EFCAB7: variants seen among roughly 807,000 people sequenced by gnomAD.
EFCAB7 encodes EF-hand calcium binding domain 7, also known as EF-hand calcium-binding domain-containing protein 7.
In EFCAB7, 66 loss-of-function variants were observed where a neutral mutation model predicts 77.1. The ratio of observed to expected loss-of-function variants is 0.86; its 90% CI spans 0.70 to 1.05. The LOEUF is 1.05. Ranked by LOEUF, EFCAB7 falls within the 50% of genes least tolerant of loss-of-function variation. EFCAB7 has a pLI of 0.00. For missense variants in EFCAB7, 638 were observed against 730.5 expected (o/e 0.87, Z 1.46); for synonymous variants, 225 against 243.3 (o/e 0.92, Z 0.70).
At chr1:63,575,734 C>A (rs889054677), downstream of EFCAB7, among the ~76,000 whole-genome samples, 2 of 151,696 alleles carry the variant, frequency 1.3e-5, no homozygotes, top group Non-Finnish European at 2.9e-5. Context: ...CAGGCATACG[C>A]TACCACACCC....
chr1:63,580,949 T>C, the EFCAB7 span, among the ~76,000 whole-genome samples: 71 of 144,518 alleles, frequency 4.9e-4, no homozygotes, highest in Non-Finnish European at 7.8e-4. Context: ...CCTAGGAAGG[T>C]TTTTTTTTAT....
intron 7 of EFCAB7, chr1:63,550,604 G>A (rs1362846452): frequency 6.7e-6 from 1 of 148,280 alleles, no homozygotes; most frequent in Non-Finnish European, 1.5e-5. Context: ...GTTAATGTTC[G>A]ACAAGCAACA....
the EFCAB7 span, among the ~76,000 whole-genome samples, chr1:63,579,589 T>C: frequency 6.6e-6 from 1 of 152,212 alleles, no homozygotes; most frequent in African/African-American, 2.4e-5. Flanking sequence ...GATCATATGG[T>C]AAATATATGT....
chr1:63,529,757 T>A (rs751903048), intron 2 of EFCAB7: 1 of 152,050 alleles, frequency 6.6e-6, no homozygotes, highest in Non-Finnish European at 1.5e-5. Context: ...TTTTTTGAGA[T>A]GCAGTCTTCC....
At chr1:63,568,729 T>G in intron 12 of EFCAB7, 1 of 421,188 alleles carries the variant, frequency 2.4e-6, no homozygotes, top group Non-Finnish European at 4.2e-6. Flanking sequence ...ATTTTTTCTC[T>G]TAAAATATTA....
intron 6 of EFCAB7, chr1:63,536,714 G>A (rs1045021994): frequency 4.6e-5 from 7 of 151,972 alleles, no homozygotes; most frequent in Admixed American, 1.3e-4. Flanking sequence ...CTTCCTGGGT[G>A]GTTTTCTGGA....
intron 12 of EFCAB7, chr1:63,569,725 T>C (rs772883786): frequency 6.6e-6 from 1 of 152,216 alleles, no homozygotes; most frequent in Non-Finnish European, 1.5e-5. Context: ...ATCCAAATTA[T>C]ATATGTTATC....
At chr1:63,547,331 C>T (rs924117960) in intron 7 of EFCAB7, 2 of 152,098 alleles carry the variant, frequency 1.3e-5, no homozygotes, top group East Asian at 3.9e-4. Context: ...TAAAAAAAGA[C>T]AAAAATCCCT....
At chr1:63,529,261 T>C (rs1373094973) in intron 2 of EFCAB7, 1 of 152,236 alleles carries the variant, frequency 6.6e-6, no homozygotes, top group Non-Finnish European at 1.5e-5. Context: ...ATATGGAAGA[T>C]GGCGGTTACC....
At chr1:63,571,664 C>A (rs1570448404) in intron 13 of EFCAB7, among the ~76,000 whole-genome samples, 1 of 100,424 alleles carries the variant, frequency 1.0e-5, no homozygotes. Context: ...GAGTGAGACT[C>A]TGTCTCAAAA....
intron 13 of EFCAB7, 65 bp downstream of exon 13, chr1:63,571,193 G>T: frequency 9.6e-7 from 1 of 1,038,970 alleles, no homozygotes; most frequent in Non-Finnish European, 1.5e-6. Flanking sequence ...TGCTATTAAT[G>T]CTATGAGTAA....
chr1:63,563,115 G>A (rs934521250), intron 11 of EFCAB7, among the ~76,000 whole-genome samples: 2 of 152,152 alleles, frequency 1.3e-5, no homozygotes, highest in Non-Finnish European at 2.9e-5. Context: ...AATATTGATT[G>A]TGCTACCCAT....
At chr1:63,580,550 C>CT in the EFCAB7 span, among the ~76,000 whole-genome samples, 1 of 152,118 alleles carries the variant, frequency 6.6e-6, no homozygotes, top group African/African-American at 2.4e-5. Context: ...ATCATCTTAG[C>CT]TATTTTAGTT....
downstream of EFCAB7, among the ~76,000 whole-genome samples, chr1:63,573,709 C>T (rs1372313716): frequency 6.6e-6 from 1 of 152,108 alleles, no homozygotes; most frequent in Non-Finnish European, 1.5e-5. Context: ...GGTCTGGTGT[C>T]TGGAATGAGA....
chr1:63,560,804 G>GGGATTAC (rs1647090079), intron 10 of EFCAB7, among the ~76,000 whole-genome samples: 1 of 152,134 alleles, frequency 6.6e-6, no homozygotes, highest in Non-Finnish European at 1.5e-5. Flanking sequence ...TTACAGGCGT[G>GGGATTAC]AGCCACCGTG....
chr1:63,553,993 T>A (rs1301128356), intron 8 of EFCAB7, among the ~76,000 whole-genome samples: 1 of 152,054 alleles, frequency 6.6e-6, no homozygotes, highest in Non-Finnish European at 1.5e-5. Flanking sequence ...TTATTATTAT[T>A]GTTGTTATTT....
intron 2 of EFCAB7, among the ~76,000 whole-genome samples, chr1:63,528,751 G>A (rs1362828572): frequency 6.6e-6 from 1 of 151,922 alleles, no homozygotes; most frequent in Non-Finnish European, 1.5e-5. Flanking sequence ...TTAACAATAA[G>A]GAAGAAATTT....
At chr1:63,556,920 C>G (rs968590414) in intron 9 of EFCAB7, among the ~76,000 whole-genome samples, 194 bp from the exon 10 acceptor site, 1 of 151,006 alleles carries the variant, frequency 6.6e-6, no homozygotes, top group Non-Finnish European at 1.5e-5. Context: ...CGCCTATAGT[C>G]CCAGCTACTC....
chr1:63,566,279 A>T (rs1647171235), intron 11 of EFCAB7, among the ~76,000 whole-genome samples: 1 of 152,238 alleles, frequency 6.6e-6, no homozygotes, highest in Non-Finnish European at 1.5e-5. Flanking sequence ...TCTCATTTAT[A>T]AGCGGGAGCT....
Sources: gnomAD v4.1 joint callset for allele counts (sites outside exome capture counted in the v4.1 genomes callset) on GRCh38, gnomAD v4.1.1 for gene constraint, MANE v1.5 for transcripts, NCBI Gene and HGNC (gene_info 2026-07-23, HGNC 2026-07-21) for gene names.